Variants in TNR observed in about 807,000 individuals in gnomAD.
TNR encodes tenascin R, also known as tenascin-R.
TNR carries 45 observed loss-of-function variants against 150.4 expected under a neutral mutation model. That is an observed-to-expected ratio of 0.30 (90% confidence interval 0.24 to 0.38). TNR has a LOEUF of 0.38. Ranked by LOEUF, TNR falls within the 10% of genes least tolerant of loss-of-function variation. TNR has a pLI of 1.00. For missense variants in TNR, 1,544 were observed against 1,759.1 expected, an observed-to-expected ratio of 0.88 and a Z score of 2.19; for synonymous variants, 687 against 678.4, an observed-to-expected ratio of 1.01 and a Z score of -0.20.
chr1:175,359,546 T>C, intron 15 of TNR, 66 bp downstream of exon 15: 1 of 1,610,912 alleles, frequency 6.2e-7, no homozygotes, highest in Non-Finnish European at 8.5e-7. Flanking sequence ...ATTCACATCA[T>C]ACTGGTCTGC....
chr1:175,663,544 A>C (rs1665442157), intron 1 of TNR, among the ~76,000 whole-genome samples: 1 of 152,226 alleles, frequency 6.6e-6, no homozygotes, highest in Non-Finnish European at 1.5e-5. Context: ...TAAGTTCACC[A>C]TGAACCAAGG....
intron 2 of TNR, among the ~76,000 whole-genome samples, chr1:175,452,636 A>G (rs998217723): frequency 3.9e-5 from 6 of 152,194 alleles, no homozygotes; most frequent in Non-Finnish European, 5.9e-5. Flanking sequence ...AGAAGCTGGG[A>G]CCTGTGGGGC....
rs151161381 is a variant in TNR at position 175,724,296 on chromosome 1, G to A, written c.-165+18930C>T. Among the ~76,000 whole-genome samples the A allele has an allele frequency of 4.1e-4, 62 of 152,274 alleles. No homozygotes were observed. The East Asian group carries it at 7.5e-3, about 18-fold the overall frequency. On this transcript the variant is annotated intron_variant, in intron 1 of 22. Coordinates refer to ENST00000367674, the MANE Select transcript of TNR (RefSeq NM_003285.3). ...GTCTCAGGAAAATTACAATCATGGC[G>A]GATGGCAAAGGGGAGCCAGTACTTT...
chr1:175,539,967 G>A (rs1351134370), intron 1 of TNR, among the ~76,000 whole-genome samples: 1 of 152,110 alleles, frequency 6.6e-6, no homozygotes, highest in Non-Finnish European at 1.5e-5. Context: ...AGGAGAAATT[G>A]TAAGACCACC....
chr1:175,732,056 C>T (rs1164556812), intron 1 of TNR, among the ~76,000 whole-genome samples: 1 of 152,136 alleles, frequency 6.6e-6, no homozygotes, highest in Non-Finnish European at 1.5e-5. Context: ...CTGCATTGCC[C>T]CATATCCCCA....
intron 1 of TNR, among the ~76,000 whole-genome samples, chr1:175,708,390 A>T (rs1459948343): frequency 6.6e-6 from 1 of 152,216 alleles, no homozygotes; most frequent in East Asian, 1.9e-4. Context: ...CTTCCTTGTT[A>T]TAATTATGAA....
intron 2 of TNR, among the ~76,000 whole-genome samples, chr1:175,527,677 A>T (rs1659898894): frequency 6.6e-6 from 1 of 152,174 alleles, no homozygotes; most frequent in African/African-American, 2.4e-5. Flanking sequence ...GAATCCTAAG[A>T]GCCTTCTCCT....
chr1:175,451,733 C>T (rs919939455), intron 2 of TNR, among the ~76,000 whole-genome samples: 9 of 152,200 alleles, frequency 5.9e-5, no homozygotes, highest in Non-Finnish European at 1.0e-4. Flanking sequence ...CCCAGCTTGG[C>T]AGGATTGTAG....
chr1:175,559,989 T>C (rs972867414), intron 1 of TNR, among the ~76,000 whole-genome samples: 5 of 152,258 alleles, frequency 3.3e-5, no homozygotes, highest in Non-Finnish European at 5.9e-5. Flanking sequence ...TCTTTTGTCC[T>C]GGGCAGACTA....
At chr1:175,376,334 A>G (rs571094315) in intron 9 of TNR, among the ~76,000 whole-genome samples, 4 of 152,298 alleles carry the variant, frequency 2.6e-5, no homozygotes, top group African/African-American at 9.6e-5. Flanking sequence ...TAAACTCGTT[A>G]AATGTATTGC....
intron 1 of TNR, among the ~76,000 whole-genome samples, chr1:175,706,247 C>T (rs1666839639): frequency 6.6e-6 from 1 of 152,162 alleles, no homozygotes; most frequent in Non-Finnish European, 1.5e-5. Flanking sequence ...TTAAATTAAG[C>T]ACCAAATATC....
In TNR at chr1:175,386,115, C is replaced by T. The variant is rs146623930; in HGVS notation, c.1694G>A (p.Arg565Gln). Residue 565 changes from arginine (R) to glutamine (Q), a missense_variant, in exon 8 of 23, where the codon CGG becomes CAG. Physicochemically the swap from Arg to Gln is conservative, Grantham distance 43. Transcript: ENST00000367674. ...TGACACCTCGTATCGGGAGCCAGGC[C>T]GCAGGGCCTGCACTGAGTATTGGCT... is the stretch of plus-strand genomic sequence containing the variant. ...PLSQYSVQAL[R>Q]PGSRYEVSVS... 180 of 1,612,824 alleles carry T rather than the reference C, an allele frequency of 1.1e-4. No individual in the cohort carries two copies. The highest frequency in any genetic ancestry group is 1.4e-4 in the Non-Finnish European group (168 of 1,179,150).
At chr1:175,702,446 G>GCGT (rs1312628563) in intron 1 of TNR, among the ~76,000 whole-genome samples, 1 of 152,212 alleles carries the variant, frequency 6.6e-6, no homozygotes, top group African/African-American at 2.4e-5. Flanking sequence ...CAGACCCACA[G>GCGT]ACAGGAAGAA....
chr1:175,594,006 G>A (rs1377990328), intron 1 of TNR, among the ~76,000 whole-genome samples: 1 of 152,104 alleles, frequency 6.6e-6, no homozygotes, highest in Non-Finnish European at 1.5e-5. Context: ...AGCACAAGAG[G>A]AATCTCTCTC....
chr1:175,425,014 G>C (rs2102065129), intron 2 of TNR, among the ~76,000 whole-genome samples: 1 of 152,250 alleles, frequency 6.6e-6, no homozygotes, highest in South Asian at 2.1e-4. Context: ...GCCCTCTAGA[G>C]AGATTCTTGG....
rs5778860 is a variant in TNR at position 175,554,339 on chromosome 1, CAAA to C, written c.-164-25973_-164-25971del. On this transcript the variant is annotated intron_variant, in intron 1 of 22. Coordinates refer to ENST00000367674, the MANE Select transcript of TNR (RefSeq NM_003285.3). ...ATTAACAAAAAGATGTCCTACATGG[CAAA>C]AAAAAAAAAAAAAAAAAGATATCCT... is the stretch of plus-strand genomic sequence containing the variant. Among the ~76,000 whole-genome samples, 932 of 115,070 alleles carry C rather than the reference CAAA, an allele frequency of 8.1e-3. 8 individuals are homozygous for C. Among genetic ancestry groups the C allele is most frequent in the African/African-American group, 0.021 (639 of 31,080 alleles). 75.5% of individuals were successfully genotyped at this position (115,070 alleles called of 152,430 possible).
At chr1:175,667,427 G>A (rs1665562450) in intron 1 of TNR, among the ~76,000 whole-genome samples, 1 of 152,222 alleles carries the variant, frequency 6.6e-6, no homozygotes, top group Non-Finnish European at 1.5e-5. Context: ...CATCCAGCTT[G>A]TATGTGAATA....
intron 2 of TNR, among the ~76,000 whole-genome samples, chr1:175,419,991 G>A (rs1177038558): frequency 6.6e-6 from 1 of 152,194 alleles, no homozygotes; most frequent in African/African-American, 2.4e-5. Flanking sequence ...CACCCAGAGA[G>A]GCGTGGTGTG....
intron 2 of TNR, among the ~76,000 whole-genome samples, chr1:175,525,965 A>C (rs542335158): frequency 6.6e-6 from 1 of 151,376 alleles, no homozygotes; most frequent in African/African-American, 2.4e-5. Context: ...CTGTAAGAAT[A>C]TATTTACCTA....
Sources: gnomAD v4.1 joint callset for allele counts (sites outside exome capture counted in the v4.1 genomes callset) on GRCh38, gnomAD v4.1.1 for gene constraint, MANE v1.5 for transcripts, NCBI Gene and HGNC (gene_info 2026-07-23, HGNC 2026-07-21) for gene names.